Variants in D2HGDH observed in about 807,000 individuals in gnomAD.
The protein encoded by D2HGDH is D-2-hydroxyglutarate dehydrogenase, mitochondrial.
In D2HGDH, 31 loss-of-function variants were observed where a neutral mutation model predicts 46.9. The ratio of observed to expected loss-of-function variants is 0.66; its 90% CI spans 0.50 to 0.89. The LOEUF (loss-of-function observed/expected upper bound fraction) is 0.89, where lower values mean the gene tolerates loss of function less well. D2HGDH is among the 40% of genes least tolerant of loss of function. The pLI is 0.00. For missense variants in D2HGDH, 698 were observed against 720.8 expected (o/e 0.97, Z 0.36); for synonymous variants, 364 against 332.6 (o/e 1.09, Z -1.03).
chr2:241,757,441 G>A (rs1388739612), intron 9 of D2HGDH, among the ~76,000 whole-genome samples: 1 of 129,236 alleles, frequency 7.7e-6, no homozygotes, highest in Non-Finnish European at 1.8e-5. Context: ...ATCCAGAGAA[G>A]AGGGGTACGG....
rs775900141 is a variant in D2HGDH at position 241,750,311 on chromosome 2, C to T, written c.997+17C>T. 6.8e-7 allele frequency: 1 copy of T among 1,473,632 alleles called. No individual in the cohort carries two copies. Among genetic ancestry groups the T allele is most frequent in the Non-Finnish European group, 9.1e-7 (1 of 1,093,226 alleles). The allele number at this position is 1,473,632 out of a possible 1,614,324, so 91.3% of individuals were successfully genotyped here. A position where few individuals can be genotyped will look rare whatever the true frequency, so the allele number is the denominator to read the frequency against. On this transcript the variant is annotated intron_variant, in intron 7 of 9. Coordinates refer to ENST00000321264, the MANE Select transcript of D2HGDH (RefSeq NM_152783.5). Reference sequence around the variant, plus strand: ...CGGTGCAAGGTACTGACCCCCCACACAGGGGGCAGCTGGTCCTGCAGCTCC... The same window carrying T: ...CGGTGCAAGGTACTGACCCCCCACATAGGGGGCAGCTGGTCCTGCAGCTCC...
At chr2:241,758,936 G>T (rs1256315654) in intron 9 of D2HGDH, among the ~76,000 whole-genome samples, 3 of 152,078 alleles carry the variant, frequency 2.0e-5, no homozygotes, top group Non-Finnish European at 4.4e-5. Flanking sequence ...ACTGTGCCTG[G>T]CATTATTTGC....
At position 241,742,204 on chromosome 2, in the gene D2HGDH, G is replaced by A. The variant is rs543017941; in HGVS notation, c.351-231G>A. Among the ~76,000 whole-genome samples the A allele has an allele frequency of 1.3e-5, 2 of 152,300 alleles. No homozygotes were observed. Among genetic ancestry groups the A allele is most frequent in the Admixed American group, 6.5e-5 (1 of 15,304 alleles). ...TCCTTTGAGGGAAGCCTTGTAGGAC[G>A]TCAGAATCGGGGCCTCCACTTCCGT... On this transcript the variant is annotated intron_variant, in intron 3 of 9. Coordinates refer to ENST00000321264, the MANE Select transcript of D2HGDH (RefSeq NM_152783.5). The surrounding 1 kb of genome is among the most constrained non-coding windows in gnomAD (Gnocchi z 4.8).
intron 6 of D2HGDH, among the ~76,000 whole-genome samples, chr2:241,748,121 T>TTTTTTTG (rs1553606966): frequency 6.6e-6 from 1 of 150,604 alleles, no homozygotes; most frequent in Non-Finnish European, 1.5e-5. Flanking sequence ...TCTTCAGCGT[T>TTTTTTTG]TTTTTGTTTT....
intron 7 of D2HGDH, among the ~76,000 whole-genome samples, 198 bp downstream of exon 7, chr2:241,750,492 C>T (rs1696986137): frequency 6.6e-6 from 1 of 152,230 alleles, no homozygotes; most frequent in African/African-American, 2.4e-5. Context: ...AAAGAACAGG[C>T]TGCCCTGGTC....
At chr2:241,749,916 G>T in intron 6 of D2HGDH, 1 of 600,876 alleles carries the variant, frequency 1.7e-6, no homozygotes, top group African/African-American at 1.8e-5. Flanking sequence ...ATCTGATGCT[G>T]GTGGTGACAC....
intron 6 of D2HGDH, among the ~76,000 whole-genome samples, chr2:241,746,592 A>G (rs1695918219): frequency 1.3e-5 from 2 of 152,110 alleles, no homozygotes; most frequent in Admixed American, 1.3e-4. Flanking sequence ...TGTCTCTACT[A>G]AAAGTACAAA....
At chr2:241,747,925 T>A (rs1379847186) in intron 6 of D2HGDH, among the ~76,000 whole-genome samples, 1 of 152,108 alleles carries the variant, frequency 6.6e-6, no homozygotes. Flanking sequence ...GCAAGTTGGT[T>A]GGGACAGGCT....
Position 241,755,750 on chromosome 2 carries a change from T to C in D2HGDH, c.1141-99T>C, listed in dbSNP as rs776125361. 3.1e-6 allele frequency: 5 copies of C among 1,608,154 alleles called. No homozygotes were observed. In the African/African-American group the frequency reaches 6.9e-5, roughly 22 times the overall value. On this transcript the variant is annotated intron_variant, in intron 8 of 9. Transcript: ENST00000321264. Reference sequence around the variant, plus strand: ...GGGTCGGAGCCTCACCTGGTGAAGATACAGAACATGCTGCTGCCCTAACCC... The same window carrying C: ...GGGTCGGAGCCTCACCTGGTGAAGACACAGAACATGCTGCTGCCCTAACCC...
chr2:241,737,170 T>C lies in D2HGDH; in HGVS notation c.292+1654T>C, dbSNP rs554259233. 1.9e-4 allele frequency among the ~76,000 whole-genome samples: 29 copies of C among 152,148 alleles called. No homozygotes were observed. The East Asian group carries it at 4.7e-3, about 24-fold the overall frequency. Reference sequence around the variant, plus strand: ...TATTTTTAGTAGAGACAGGGTTTTATCGTGTTAGCCAGGATGGTCTCAATC... The same window carrying C: ...TATTTTTAGTAGAGACAGGGTTTTACCGTGTTAGCCAGGATGGTCTCAATC... On this transcript the variant is annotated intron_variant, in intron 2 of 9. Transcript: ENST00000321264.
At chr2:241,758,072 A>G (rs1329152278) in intron 9 of D2HGDH, among the ~76,000 whole-genome samples, 4 of 152,072 alleles carry the variant, frequency 2.6e-5, no homozygotes, top group Admixed American at 2.0e-4. Flanking sequence ...AGTTACACTG[A>G]TTGATCCCTC....
intron 9 of D2HGDH, among the ~76,000 whole-genome samples, chr2:241,760,522 TG>T (rs1299671002): frequency 6.7e-6 from 1 of 150,298 alleles, no homozygotes; most frequent in East Asian, 2.0e-4. Flanking sequence ...ACAGCGTGGG[TG>T]GGCCTTACCC....
In D2HGDH at chr2:241,744,718, G is replaced by A. The variant is rs148391021; in HGVS notation, c.694G>A (p.Asp232Asn). ...TTCTCTTTGCCCCAAGGTGCTGGCC[G>A]ACGGCACTGTCCTGGACTGCCTGAC... ...TVLGLEVVLA[D>N]GTVLDCLTSL... The change falls in exon 6 of 10, where the codon GAC (aspartate) becomes AAC (asparagine). Residue 232 changes from aspartate to asparagine, a missense_variant. Coordinates refer to ENST00000321264, the MANE Select transcript of D2HGDH (RefSeq NM_152783.5). 6.8e-6 allele frequency: 11 copies of A among 1,614,124 alleles called. No homozygotes were observed. Among genetic ancestry groups the A allele is most frequent in the African/African-American group, 4.0e-5 (3 of 74,930 alleles).
At position 241,750,213 on chromosome 2, in the gene D2HGDH, A is replaced by G. The variant is rs1696895347; in HGVS notation, c.916A>G (p.Ile306Val). 1.4e-5 allele frequency: 22 copies of G among 1,613,864 alleles called. No homozygotes were observed. Among genetic ancestry groups the G allele is most frequent in the Non-Finnish European group, 1.9e-5 (22 of 1,180,000 alleles). The change falls in exon 7 of 10, where the codon ATC becomes GTC. Residue 306 changes from isoleucine to valine, a missense_variant. Ile to Val is a conservative substitution (Grantham distance 29). Transcript: ENST00000321264. Reference sequence around the variant, plus strand: ...CACCTGCAAGGGGATGCTGGGTGAGATCCTGTCTGCATTCGAGTTCATGGA... The same window carrying G: ...CACCTGCAAGGGGATGCTGGGTGAGGTCCTGTCTGCATTCGAGTTCATGGA... ...FSTCKGMLGE[I>V]LSAFEFMDAV...
At chr2:241,745,694 T>C (rs34293993) in intron 6 of D2HGDH, among the ~76,000 whole-genome samples, 82,472 of 152,118 alleles carry the variant, frequency 0.54, 23,922 homozygotes, top group African/African-American at 0.76. Flanking sequence ...TCCGATCTTC[T>C]GTCTGGGATT....
chr2:241,758,474 G>GC (rs200033110), intron 9 of D2HGDH, among the ~76,000 whole-genome samples: 1,914 of 152,140 alleles, frequency 0.013, 105 homozygotes, highest in East Asian at 0.1. Flanking sequence ...TTTGTGGGAT[G>GC]CCCCCACACC....
chr2:241,744,209 T>C (rs1436039042), intron 5 of D2HGDH, among the ~76,000 whole-genome samples: 3 of 152,214 alleles, frequency 2.0e-5, no homozygotes, highest in Non-Finnish European at 4.4e-5. Flanking sequence ...CAGCCGAGTG[T>C]CACAGGCAGA....
chr2:241,752,663 G>A (rs1285177373), intron 8 of D2HGDH, among the ~76,000 whole-genome samples: 1 of 151,956 alleles, frequency 6.6e-6, no homozygotes, highest in African/African-American at 2.4e-5. Flanking sequence ...TTCTGCTTGA[G>A]ATGGGGCGGG....
intron 2 of D2HGDH, among the ~76,000 whole-genome samples, chr2:241,739,747 T>C (rs566717946): frequency 6.6e-6 from 1 of 152,382 alleles, no homozygotes; most frequent in Admixed American, 6.5e-5. Context: ...CCAAGACTTA[T>C]AGCCCAGTGA....
Sources: allele counts gnomAD v4.1 joint callset (sites outside exome capture counted in the v4.1 genomes callset), GRCh38; gene constraint gnomAD v4.1.1; non-coding constraint Gnocchi (gnomAD v3.1); transcripts MANE v1.5; gene names NCBI Gene and HGNC (gene_info 2026-07-23, HGNC 2026-07-21).